The following ADNP2 variants were observed in gnomAD, a reference collection of about 807,000 sequenced individuals.
The protein encoded by ADNP2 is activity-dependent neuroprotector homeobox protein 2.
A neutral mutation model predicts 16.4 loss-of-function variants in ADNP2; 8 were observed. The observed-to-expected ratio is 0.49, with a 90% CI of 0.29 to 0.88. ADNP2 has a LOEUF of 0.88. ADNP2 is among the 40% of genes least tolerant of loss of function. ADNP2 has a pLI of 0.09. For synonymous variants in ADNP2, 637 were observed against 545.8 expected (o/e 1.17, Z -2.33); for missense variants, 1,397 against 1,395.1 (o/e 1.00, Z -0.02).
chr18:80,130,205 G>T (rs2052487272), intron 2 of ADNP2, among the ~76,000 whole-genome samples: 1 of 152,002 alleles, frequency 6.6e-6, no homozygotes, highest in South Asian at 2.1e-4. Context: ...TCCCCTAAAG[G>T]GCCTGTGAGG....
chr18:80,130,801 A>T (rs1363767346), intron 2 of ADNP2, among the ~76,000 whole-genome samples: 1 of 126,894 alleles, frequency 7.9e-6, no homozygotes, highest in Non-Finnish European at 1.5e-5. Context: ...ATACTCCTTT[A>T]CCACTTCACA....
intron 2 of ADNP2, among the ~76,000 whole-genome samples, chr18:80,118,819 G>A (rs2052405768): frequency 6.6e-6 from 1 of 152,086 alleles, no homozygotes; most frequent in African/African-American, 2.4e-5. Flanking sequence ...GCAGAGATAC[G>A]GTACTTCACA....
Position 80,137,377 on chromosome 18 carries a change from C to G in ADNP2, c.1964C>G (p.Ser655Cys), listed in dbSNP as rs960180626. The G allele has an allele frequency of 2.5e-6, 4 of 1,614,088 alleles. No homozygotes were observed. In the African/African-American group the frequency reaches 5.3e-5, roughly 22 times the overall value. Residue 655 changes from serine (S) to cysteine (C), a missense_variant, in exon 4 of 4, where the codon TCC becomes TGC. Around this residue, in one of 3 missense-constraint regions of ADNP2, gnomAD observed 611 missense variants for 648.7 expected, o/e 0.94. Coordinates refer to ENST00000262198, the MANE Select transcript of ADNP2 (RefSeq NM_014913.4). This position sits in a 1 kb window ranked among gnomAD's most constrained non-coding sequence, Gnocchi z 4.2. ...GGTGCAGCTGCACCAATGGCCGGTTCCATGCCCGGCATGCCCTCTCCTCCA... is the reference window on the plus strand; with the variant it reads ...GGTGCAGCTGCACCAATGGCCGGTTGCATGCCCGGCATGCCCTCTCCTCCA... The part of the protein sequence containing the change: ...PSGAAAPMAG[S>C]MPGMPSPPVL...
At chr18:80,127,912 A>G (rs2052471011) in intron 2 of ADNP2, among the ~76,000 whole-genome samples, 1 of 152,340 alleles carries the variant, frequency 6.6e-6, no homozygotes, top group Non-Finnish European at 1.5e-5. Context: ...AGCCAGTAGA[A>G]AAGTCCCACT....
At position 80,138,015 on chromosome 18, in the gene ADNP2, G is replaced by A. The variant is rs578249763; in HGVS notation, c.2602G>A (p.Gly868Arg). ...GAGGCCTCAGGCTGAGGGCACCCCC[G>A]GGAGCACCGGCAAGCGAGTGTCCAC... ...KVRPQAEGTP[G>R]STGKRVSTCP... Residue 868 changes from glycine (G) to arginine (R), a missense_variant, in exon 4 of 4, where the codon GGG (glycine) becomes AGG (arginine). Physicochemically the swap from Gly to Arg is moderately radical, Grantham distance 125. Coordinates refer to ENST00000262198, the MANE Select transcript of ADNP2 (RefSeq NM_014913.4). The A allele has an allele frequency of 1.8e-5, 29 of 1,613,530 alleles. No individual in the cohort carries two copies. Among genetic ancestry groups the A allele is most frequent in the East Asian group, 1.1e-4 (5 of 44,878 alleles).
intron 2 of ADNP2, 64 bp downstream of exon 2, chr18:80,117,714 G>A: frequency 7.9e-7 from 1 of 1,271,532 alleles, no homozygotes; most frequent in Non-Finnish European, 1.1e-6. Flanking sequence ...TTTTTGAAGA[G>A]TGGGTAAGAT....
chr18:80,123,475 A>T (rs1040824648), intron 2 of ADNP2, among the ~76,000 whole-genome samples: 5 of 151,074 alleles, frequency 3.3e-5, no homozygotes, highest in Non-Finnish European at 5.9e-5. Flanking sequence ...AGGCCAAGCG[A>T]TTATCCTGCC....
At position 80,117,572 on chromosome 18, in the gene ADNP2, C is replaced by T. The variant is rs369140903; in HGVS notation, c.30C>T (p.Asp10=). ...TTCAAATTCCTGTGGAAAATCTTGA[C>T]AACATCAGAAAGGTGCGAAAAAAGG... is the stretch of plus-strand genomic sequence containing the variant. MFQIPVENL[D]NIRKVRKKVK... is the part of the protein sequence containing the mutation. The change falls in exon 2 of 4, where the codon GAC becomes GAT. Residue 10 remains aspartate (D), a synonymous_variant. Transcript: ENST00000262198. 2 of 1,594,794 alleles carry T rather than the reference C, an allele frequency of 1.3e-6. No individual in the cohort carries two copies. The highest frequency in any genetic ancestry group is 2.7e-5 in the African/African-American group (2 of 73,594).
intron 2 of ADNP2, among the ~76,000 whole-genome samples, chr18:80,123,075 G>A (rs1462733686): frequency 6.6e-6 from 1 of 151,932 alleles, no homozygotes; most frequent in African/African-American, 2.4e-5. Flanking sequence ...ATAACCATGT[G>A]ATTTTTTTCC....
chr18:80,124,081 T>C (rs1403697873), intron 2 of ADNP2, among the ~76,000 whole-genome samples: 2 of 152,228 alleles, frequency 1.3e-5, no homozygotes, highest in East Asian at 3.8e-4. Context: ...CCTGTACTTT[T>C]CTCTGTTAGG....
At position 80,138,524 on chromosome 18, in the gene ADNP2, G is replaced by C. The variant is rs778138853; in HGVS notation, c.3111G>C (p.Gln1037His). 6.2e-7 allele frequency: 1 copy of C among 1,614,022 alleles called. No homozygotes were observed. Reference sequence around the variant, plus strand: ...CTATTGTCAAGGACGAGGCTCTTCAGATTTTAGCATTAGATCCTAAAAAAT... The same window carrying C: ...CTATTGTCAAGGACGAGGCTCTTCACATTTTAGCATTAGATCCTAAAAAAT... ...EGPIVKDEAL[Q>H]ILALDPKKYE... Residue 1037 changes from glutamine (Q) to histidine (H), a missense_variant, in exon 4 of 4, where the codon CAG (glutamine) becomes CAC (histidine). By Grantham distance (24) the Gln-to-His change is conservative. Transcript: ENST00000262198.
rs756432927 is a variant in ADNP2, at chr18:80,137,571, G to A, written c.2158G>A (p.Glu720Lys). 16 of 1,614,102 alleles carry A rather than the reference G, an allele frequency of 9.9e-6. No homozygotes were observed. The East Asian group carries it at 1.3e-4, about 13-fold the overall frequency. ...CATGGAGGTAGCGCATAAGCACAGC[G>A]AGTCCAAGTCTGGTGAGAAACTTGA... ...VHMEVAHKHS[E>K]SKSGEKLEPE... The change falls in exon 4 of 4, where the codon GAG becomes AAG. Residue 720 changes from glutamate (E) to lysine (K), a missense_variant. This residue lies in a region of ADNP2 where 611 missense variants were observed against 648.7 expected (regional missense o/e 0.94). Transcript: ENST00000262198. This position sits in a 1 kb window ranked among gnomAD's most constrained non-coding sequence, Gnocchi z 4.2.
At position 80,138,773 on chromosome 18, in the gene ADNP2, T is replaced by C. The variant is rs746469011; in HGVS notation, c.3360T>C (p.Asn1120=). The C allele has an allele frequency of 6.4e-7, 1 of 1,566,168 alleles. No homozygotes were observed. The highest frequency in any genetic ancestry group is 8.6e-7 in the Non-Finnish European group (1 of 1,163,358). Residue 1120 remains asparagine, a synonymous_variant, in exon 4 of 4, where the codon AAT becomes AAC. Coordinates refer to ENST00000262198, the MANE Select transcript of ADNP2 (RefSeq NM_014913.4). ...LLGFDMSELK[N]VKHRLNFEYE... is the part of the protein sequence containing the mutation. ...GCTTTGATATGTCTGAACTTAAAAATGTGAAACATAGATTGAACTTTGAAT... is the reference window on the plus strand; with the variant it reads ...GCTTTGATATGTCTGAACTTAAAAACGTGAAACATAGATTGAACTTTGAAT...
At chr18:80,123,351 CCCT>C (rs1394892672) in intron 2 of ADNP2, among the ~76,000 whole-genome samples, 1 of 151,984 alleles carries the variant, frequency 6.6e-6, no homozygotes, top group Non-Finnish European at 1.5e-5. Flanking sequence ...AGAAGTTGTT[CCCT>C]CCTCTTTTTT....
At position 80,136,929 on chromosome 18, in the gene ADNP2, T is replaced by C; in HGVS notation, c.1516T>C (p.Leu506=). The change falls in exon 4 of 4, where the codon TTG becomes CTG. Residue 506 remains leucine (L), a synonymous_variant. Transcript: ENST00000262198. The part of the protein sequence containing the change: ...RVLPPGQTAP[L]RVISAGQVVP... ...TCTTCCCCCAGGCCAGACAGCCCCA[T>C]TGAGGGTTATCTCTGCAGGCCAGGT... 6.2e-7 allele frequency: 1 copy of C among 1,613,746 alleles called. No individual in the cohort carries two copies.
rs1455384397 is a variant in ADNP2, at chr18:80,139,387, T to C, written c.*578T>C. 8.6e-6 allele frequency: 1 copy of C among 115,864 alleles called. No individual in the cohort carries two copies. Among genetic ancestry groups the C allele is most frequent in the African/African-American group, 3.3e-5 (1 of 30,018 alleles). The allele number at this position is 115,864 out of a possible 1,614,324, so 7.2% of individuals were successfully genotyped here. On this transcript the variant is annotated 3_prime_UTR_variant, in exon 4 of 4. Transcript: ENST00000262198. ...AATTTAGATCTGTATTTTTTTAGGT[T>C]TATCCTAATAGCTGTTTTTTTTTTT... is the stretch of plus-strand genomic sequence containing the variant.
rs146919866 is a variant in ADNP2, at chr18:80,137,410, T to A, written c.1997T>A (p.Val666Glu). 2.0e-5 allele frequency: 33 copies of A among 1,614,020 alleles called. No homozygotes were observed. The highest frequency in any genetic ancestry group is 2.3e-5 in the Non-Finnish European group (27 of 1,180,040). ...GGCATGCCCTCTCCTCCAGTGCTGG[T>A]GAATGCTGCTCAGAGCGTGTTTGTT... ...MPGMPSPPVLVNAAQSVFVQA... is the reference protein window; with the variant it reads ...MPGMPSPPVLENAAQSVFVQA... The change falls in exon 4 of 4, where the codon GTG becomes GAG. Residue 666 changes from valine to glutamate, a missense_variant. Transcript: ENST00000262198. The surrounding 1 kb of genome is among the most constrained non-coding windows in gnomAD (Gnocchi z 4.2).
chr18:80,134,386 A>AGTGTGTGTGTGTGT (rs34515123), intron 3 of ADNP2, among the ~76,000 whole-genome samples: 7 of 146,222 alleles, frequency 4.8e-5, no homozygotes, highest in African/African-American at 1.5e-4. Context: ...AGAATGGAAG[A>AGTGTGTGTGTGTGT]GTGTGTGTGT....
At chr18:80,118,565 T>A (rs1055932896) in intron 2 of ADNP2, among the ~76,000 whole-genome samples, 5 of 152,228 alleles carry the variant, frequency 3.3e-5, no homozygotes, top group African/African-American at 1.2e-4. Flanking sequence ...TTGGTTGTCA[T>A]GTCTCTTTAG....
Sources: gnomAD v4.1 joint callset for allele counts (sites outside exome capture counted in the v4.1 genomes callset) on GRCh38, gnomAD v4.1.1 for gene constraint, gnomAD v4.1.1 regional missense constraint, Gnocchi (gnomAD v3.1) non-coding constraint, MANE v1.5 for transcripts, NCBI Gene and HGNC (gene_info 2026-07-23, HGNC 2026-07-21) for gene names.